The following MAPKAP1 variants were observed in gnomAD, a reference collection of about 807,000 sequenced individuals.
The protein encoded by MAPKAP1 is MAPK associated protein 1.
A neutral mutation model predicts 65.7 loss-of-function variants in MAPKAP1; 20 were observed. The ratio of observed to expected loss-of-function variants is 0.30; its 90% CI spans 0.21 to 0.44. The LOEUF (loss-of-function observed/expected upper bound fraction) is 0.44. Ranked by LOEUF, MAPKAP1 falls within the 20% of genes least tolerant of loss-of-function variation. The pLI, the probability that MAPKAP1 is intolerant of heterozygous loss-of-function variation, is 1.00. For synonymous variants in MAPKAP1, 222 were observed against 244.3 expected (o/e 0.91, Z 0.85); for missense variants, 423 against 648.0 (o/e 0.65, Z 3.77).
chr9:125,563,177 A>C (rs1003842058), intron 5 of MAPKAP1, among the ~76,000 whole-genome samples: 13 of 152,178 alleles, frequency 8.5e-5, no homozygotes, highest in African/African-American at 3.1e-4. Flanking sequence ...TTATTCTTTA[A>C]ACAAATAAAA....
intron 1 of MAPKAP1, among the ~76,000 whole-genome samples, chr9:125,693,492 TACACACATATATACACATAC>T (rs1835239811): frequency 6.8e-6 from 1 of 147,186 alleles, no homozygotes; most frequent in Non-Finnish European, 1.5e-5. Flanking sequence ...TACACATATA[TACACACATATATACACATAC>T]ACACACATAT....
At chr9:125,460,507 A>AC (rs1287630411) in intron 10 of MAPKAP1, among the ~76,000 whole-genome samples, 1 of 152,202 alleles carries the variant, frequency 6.6e-6, no homozygotes, top group Non-Finnish European at 1.5e-5. Flanking sequence ...CTGTAAACAT[A>AC]CACATAACGT....
intron 1 of MAPKAP1, among the ~76,000 whole-genome samples, chr9:125,693,680 T>A (rs868618146): frequency 8.6e-6 from 1 of 116,530 alleles, no homozygotes; most frequent in African/African-American, 5.0e-5. Context: ...TACACGTATA[T>A]ATACACGTAT....
intron 1 of MAPKAP1, among the ~76,000 whole-genome samples, chr9:125,684,783 G>C (rs1834926406): frequency 6.6e-6 from 1 of 152,096 alleles, no homozygotes; most frequent in Non-Finnish European, 1.5e-5. Context: ...CTGGGCTCAG[G>C]CGATCCTCCC....
chr9:125,574,803 G>C (rs1487033073), intron 5 of MAPKAP1, among the ~76,000 whole-genome samples: 1 of 152,196 alleles, frequency 6.6e-6, no homozygotes, highest in Non-Finnish European at 1.5e-5. Flanking sequence ...TTGAGCACTT[G>C]CTATGTATTT....
intron 9 of MAPKAP1, among the ~76,000 whole-genome samples, chr9:125,477,140 A>G (rs991377118): frequency 2.6e-5 from 4 of 152,236 alleles, no homozygotes; most frequent in Admixed American, 1.3e-4. Flanking sequence ...TCTATCATTT[A>G]TCTATAAATC....
intron 4 of MAPKAP1, among the ~76,000 whole-genome samples, chr9:125,635,556 TGAGA>T (rs1373796145): frequency 6.6e-6 from 1 of 152,202 alleles, no homozygotes; most frequent in Admixed American, 6.5e-5. Context: ...CAGCCCTGTC[TGAGA>T]AAGAGACTAG....
At chr9:125,696,775 C>T (rs182778439) in intron 1 of MAPKAP1, among the ~76,000 whole-genome samples, 1 of 152,312 alleles carries the variant, frequency 6.6e-6, no homozygotes, top group African/African-American at 2.4e-5. Context: ...TACTTTCCCT[C>T]AATGGAGCCC....
chr9:125,561,544 G>A lies in MAPKAP1; in HGVS notation c.672-1735C>T, dbSNP rs528779520. On this transcript the variant is annotated intron_variant, in intron 5 of 11. Coordinates refer to ENST00000265960, the MANE Select transcript of MAPKAP1 (RefSeq NM_001006617.3). Reference sequence around the variant, plus strand: ...GAAACTTTTGGATCTCTGCAGCCGGGTACTAACTTAAAAACAGAACAATTA... The same window carrying A: ...GAAACTTTTGGATCTCTGCAGCCGGATACTAACTTAAAAACAGAACAATTA... 1.5e-3 allele frequency among the ~76,000 whole-genome samples: 229 copies of A among 152,236 alleles called. 1 individual carries two copies. Among genetic ancestry groups the A allele is most frequent in the Middle Eastern group, 0.01 (3 of 294 alleles).
At chr9:125,473,202 T>G (rs1041727504) in intron 9 of MAPKAP1, among the ~76,000 whole-genome samples, 3 of 151,816 alleles carry the variant, frequency 2.0e-5, no homozygotes, top group African/African-American at 7.3e-5. Flanking sequence ...GGTGCCCCTC[T>G]CAAAACTGGA....
In MAPKAP1 at chr9:125,438,381, C is replaced by T; in HGVS notation, c.*506G>A. ...CTGAGAAATCGAACCATAGCTTTTCCAATCTGCCTGTTCAATATGGGAACA... is the reference window on the plus strand; with the variant it reads ...CTGAGAAATCGAACCATAGCTTTTCTAATCTGCCTGTTCAATATGGGAACA... On this transcript the variant is annotated 3_prime_UTR_variant, in exon 12 of 12. Coordinates refer to ENST00000265960, the MANE Select transcript of MAPKAP1 (RefSeq NM_001006617.3). The T allele has an allele frequency of 2.5e-6, 1 of 399,132 alleles. No individual in the cohort carries two copies. The highest frequency in any genetic ancestry group is 4.4e-6 in the Non-Finnish European group (1 of 226,224). 24.7% of individuals were successfully genotyped at this position (399,132 alleles called of 1,614,324 possible). A position where few individuals can be genotyped will look rare whatever the true frequency, so the allele number is the denominator to read the frequency against.
chr9:125,623,805 T>TG (rs1439673045), intron 4 of MAPKAP1, among the ~76,000 whole-genome samples: 9 of 20,898 alleles, frequency 4.3e-4, no homozygotes, highest in African/African-American at 8.0e-4. Context: ...GGGAGGGAGG[T>TG]GGGGGGGTCA....
At chr9:125,593,774 GAACA>G (rs1430556881) in intron 4 of MAPKAP1, among the ~76,000 whole-genome samples, 6 of 152,222 alleles carry the variant, frequency 3.9e-5, no homozygotes, top group African/African-American at 1.2e-4. Flanking sequence ...GCAGGTTTGA[GAACA>G]AACAGAAAAG....
At chr9:125,452,500 T>TAA (rs1397743043) in intron 10 of MAPKAP1, among the ~76,000 whole-genome samples, 1 of 152,200 alleles carries the variant, frequency 6.6e-6, no homozygotes, top group East Asian at 1.9e-4. Context: ...CTTCATAAGA[T>TAA]GATTTTCAAG....
At chr9:125,651,159 G>A (rs1209228165) in intron 4 of MAPKAP1, among the ~76,000 whole-genome samples, 1 of 152,120 alleles carries the variant, frequency 6.6e-6, no homozygotes, top group African/African-American at 2.4e-5. Context: ...ACCAGAATAT[G>A]TAAATGGTAG....
intron 1 of MAPKAP1, among the ~76,000 whole-genome samples, chr9:125,683,443 C>T (rs540875804): frequency 2.6e-5 from 4 of 152,218 alleles, no homozygotes; most frequent in East Asian, 3.9e-4. Flanking sequence ...ATCTTCTTGC[C>T]GGCCTTGAAG....
Position 125,615,847 on chromosome 9 carries a change from G to T in MAPKAP1, c.499-30120C>A, listed in dbSNP as rs1832729880. ...AGAATCACTTGATGTTGCAGAGGCG[G>T]ATGTTGCAGTGAGCCAAGATCACGC... On this transcript the variant is annotated intron_variant, in intron 4 of 11. Transcript: ENST00000265960. 4.0e-5 allele frequency among the ~76,000 whole-genome samples: 6 copies of T among 151,770 alleles called. No individual in the cohort carries two copies. The South Asian group carries it at 1.0e-3, about 26-fold the overall frequency.
chr9:125,481,868 C>T (rs1854330290), intron 9 of MAPKAP1, among the ~76,000 whole-genome samples: 1 of 151,904 alleles, frequency 6.6e-6, no homozygotes, highest in African/African-American at 2.4e-5. Flanking sequence ...TGGTGGTTCA[C>T]GCCTGTAATC....
chr9:125,651,839 G>C (rs1833902697), intron 4 of MAPKAP1, among the ~76,000 whole-genome samples: 1 of 152,134 alleles, frequency 6.6e-6, no homozygotes, highest in Non-Finnish European at 1.5e-5. Flanking sequence ...TAGGGGTTGG[G>C]GGTAAAGGAG....
Sources: allele counts gnomAD v4.1 joint callset (sites outside exome capture counted in the v4.1 genomes callset), GRCh38; gene constraint gnomAD v4.1.1; transcripts MANE v1.5; gene names NCBI Gene and HGNC (gene_info 2026-07-23, HGNC 2026-07-21).